The following ILRUN variants were observed in gnomAD, a reference collection of about 807,000 sequenced individuals.
ILRUN encodes the protein inflammation and lipid regulator with UBA-like and NBR1-like domains.
Under a neutral mutation model 33.8 loss-of-function variants are expected in ILRUN, and 3 were observed. The observed-to-expected ratio is 0.09, with a 90% CI of 0.04 to 0.23. The LOEUF (loss-of-function observed/expected upper bound fraction) is 0.23. Ranked by LOEUF, ILRUN falls within the 10% of genes least tolerant of loss-of-function variation. The probability of loss-of-function intolerance (pLI) is 1.00; values close to 1 mark genes in which losing one functional copy is unlikely to be tolerated. For missense variants in ILRUN, 210 were observed against 375.1 expected, an observed-to-expected ratio of 0.56 and a Z score of 3.64; for synonymous variants, 124 against 138.9, an observed-to-expected ratio of 0.89 and a Z score of 0.75.
intron 3 of ILRUN, chr6:34,616,405 C>G: frequency 2.0e-6 from 1 of 504,338 alleles, no homozygotes; most frequent in South Asian, 3.2e-5. Flanking sequence ...GCTACAGGCT[C>G]ATATTTCATC....
intron 3 of ILRUN, 54 bp from the exon 4 acceptor site, chr6:34,606,958 G>A: frequency 1.5e-6 from 2 of 1,361,470 alleles, no homozygotes; most frequent in South Asian, 2.6e-5. Context: ...AAAGGCCCAA[G>A]ATAGCCACCA....
At chr6:34,608,028 G>A (rs1761669647) in intron 3 of ILRUN, among the ~76,000 whole-genome samples, 1 of 151,930 alleles carries the variant, frequency 6.6e-6, no homozygotes, top group African/African-American at 2.4e-5. Context: ...AGGAGGTAGA[G>A]GCTGCAGTGA....
intron 1 of ILRUN, among the ~76,000 whole-genome samples, chr6:34,659,319 G>C (rs921033253): frequency 6.6e-6 from 1 of 152,170 alleles, no homozygotes; most frequent in African/African-American, 2.4e-5. Flanking sequence ...ATACAACTCT[G>C]TCCAACCTTC....
At chr6:34,676,413 T>G (rs1157504367) in intron 1 of ILRUN, among the ~76,000 whole-genome samples, 2 of 151,924 alleles carry the variant, frequency 1.3e-5, no homozygotes, top group Non-Finnish European at 2.9e-5. Flanking sequence ...TCCATTTATA[T>G]GTACAGATAG....
At chr6:34,670,033 T>C (rs959549068) in intron 1 of ILRUN, among the ~76,000 whole-genome samples, 3 of 152,014 alleles carry the variant, frequency 2.0e-5, no homozygotes, top group Non-Finnish European at 4.4e-5. Flanking sequence ...TGCCTCAGCC[T>C]CCCGAGTAGC....
chr6:34,671,858 A>G (rs1396223049), intron 1 of ILRUN: 1 of 152,298 alleles, frequency 6.6e-6, no homozygotes, highest in Non-Finnish European at 1.5e-5. Context: ...AATCTTCCTT[A>G]GCCAGCAGTG....
At chr6:34,617,309 C>T (rs995655104) in intron 3 of ILRUN, 31 of 324,112 alleles carry the variant, frequency 9.6e-5, no homozygotes, top group Admixed American at 9.2e-4. Context: ...AAACAGTATG[C>T]GCTCTCAAAT....
intron 1 of ILRUN, among the ~76,000 whole-genome samples, chr6:34,694,074 C>T (rs544413650): frequency 1.3e-5 from 2 of 152,228 alleles, no homozygotes; most frequent in Admixed American, 6.5e-5. Context: ...TCCTGCCTCA[C>T]CTGGCCTCCC....
intron 1 of ILRUN, among the ~76,000 whole-genome samples, chr6:34,692,880 G>C (rs1006643947): frequency 6.6e-6 from 1 of 151,916 alleles, no homozygotes; most frequent in South Asian, 2.1e-4. Context: ...TTACCCGTCT[G>C]ACATGAGAAA....
In ILRUN at chr6:34,646,895, T is replaced by C; in HGVS notation, c.314-97A>G. On this transcript the variant is annotated intron_variant, in intron 2 of 4. Transcript: ENST00000374023. The surrounding 1 kb of genome is among the most constrained non-coding windows in gnomAD (Gnocchi z 4.9). ...TGTAGAAGAGGCCTCTTTCTTTTTC[T>C]CACATACATACATAAACCTAACCAC... 1 of 1,077,328 alleles carries C rather than the reference T, an allele frequency of 9.3e-7. No homozygotes were observed. Among genetic ancestry groups the C allele is most frequent in the Non-Finnish European group, 1.4e-6 (1 of 719,122 alleles). The allele number at this position is 1,077,328 out of a possible 1,614,324, so 66.7% of individuals were successfully genotyped here.
chr6:34,663,870 A>C (rs1337842327), intron 1 of ILRUN, among the ~76,000 whole-genome samples: 1 of 152,194 alleles, frequency 6.6e-6, no homozygotes, highest in East Asian at 1.9e-4. Context: ...TAAGGGTGTT[A>C]ATCAGCTGAC....
At chr6:34,664,251 C>A (rs914940783) in intron 1 of ILRUN, among the ~76,000 whole-genome samples, 1 of 152,192 alleles carries the variant, frequency 6.6e-6, no homozygotes, top group African/African-American at 2.4e-5. Flanking sequence ...TATTATTCTA[C>A]TTTACTGTAT....
At chr6:34,626,545 C>A (rs1762135793) in intron 3 of ILRUN, among the ~76,000 whole-genome samples, 1 of 152,198 alleles carries the variant, frequency 6.6e-6, no homozygotes, top group African/African-American at 2.4e-5. Context: ...CACATATGCA[C>A]AACCTGCCTA....
chr6:34,651,467 T>G (rs1034669632), intron 2 of ILRUN, among the ~76,000 whole-genome samples: 2 of 151,934 alleles, frequency 1.3e-5, no homozygotes, highest in African/African-American at 4.8e-5. Context: ...CTCCCAAAGC[T>G]CCCCATTAAC....
At chr6:34,638,047 C>T (rs1250371978) in intron 3 of ILRUN, among the ~76,000 whole-genome samples, 2 of 151,864 alleles carry the variant, frequency 1.3e-5, no homozygotes, top group African/African-American at 2.4e-5. Flanking sequence ...CCACCATGCC[C>T]GGCTAATTTT....
intron 3 of ILRUN, among the ~76,000 whole-genome samples, chr6:34,619,325 T>C (rs1411167535): frequency 3.3e-5 from 5 of 152,070 alleles, no homozygotes; most frequent in African/African-American, 7.2e-5. Flanking sequence ...CTTCATTTCT[T>C]CTGTATCACA....
intron 3 of ILRUN, among the ~76,000 whole-genome samples, chr6:34,613,195 CAG>C (rs1442158291): frequency 6.6e-6 from 1 of 151,024 alleles, no homozygotes; most frequent in Non-Finnish European, 1.5e-5. Context: ...GCCTGGGTGA[CAG>C]AGTGAGACCC....
intron 1 of ILRUN, among the ~76,000 whole-genome samples, chr6:34,677,697 C>T (rs1190916903): frequency 6.6e-6 from 1 of 152,000 alleles, no homozygotes; most frequent in Non-Finnish European, 1.5e-5. Context: ...GCCTGTAATC[C>T]CAGAACTTTG....
chr6:34,593,365 C>T (rs1445749411), intron 4 of ILRUN, among the ~76,000 whole-genome samples: 1 of 152,230 alleles, frequency 6.6e-6, no homozygotes, highest in Admixed American at 6.5e-5. Context: ...CAACCACTGG[C>T]TTTATGATTT....
Sources: gnomAD v4.1 joint callset for allele counts (sites outside exome capture counted in the v4.1 genomes callset) on GRCh38, gnomAD v4.1.1 for gene constraint, Gnocchi (gnomAD v3.1) non-coding constraint, MANE v1.5 for transcripts, NCBI Gene and HGNC (gene_info 2026-07-23, HGNC 2026-07-21) for gene names.